The following CELSR1 variants were observed in gnomAD, a reference collection of about 807,000 sequenced individuals.
CELSR1 encodes the protein cadherin EGF LAG seven-pass G-type receptor 1, also known as adhesion G protein-coupled receptor C1.
A neutral mutation model predicts 249.1 loss-of-function variants in CELSR1; 110 were observed. That is an observed-to-expected ratio of 0.44 (90% CI 0.38 to 0.52). CELSR1 has a LOEUF of 0.52. CELSR1 is among the 20% of genes least tolerant of loss of function. The probability of loss-of-function intolerance (pLI) is 0.00; values close to 1 mark genes in which losing one functional copy is unlikely to be tolerated. For synonymous variants in CELSR1, 2,113 were observed against 1,900.0 expected, an observed-to-expected ratio of 1.11 and a Z score of -2.92; for missense variants, 4,109 against 4,296.4, an observed-to-expected ratio of 0.96 and a Z score of 1.22.
chr22:46,507,846 G>A (rs1054970313), intron 1 of CELSR1, among the ~76,000 whole-genome samples: 1 of 119,954 alleles, frequency 8.3e-6, no homozygotes, highest in Admixed American at 9.1e-5. Context: ...GAGTACAGTG[G>A]GCAGTCAGAG....
At chr22:46,439,139 G>GT (rs775448172) in intron 3 of CELSR1, 50 bp downstream of exon 3, 13 of 1,524,930 alleles carry the variant, frequency 8.5e-6, no homozygotes, top group African/African-American at 1.4e-5. Flanking sequence ...GGAGAAGCTC[G>GT]CCCCTTTCCT....
chr22:46,366,925 A>G, intron 29 of CELSR1, 68 bp downstream of exon 29: 1 of 1,539,056 alleles, frequency 6.5e-7, no homozygotes, highest in Non-Finnish European at 8.7e-7. Flanking sequence ...CTGAGGCTCG[A>G]TCACCCTCCC....
rs761062506 is a variant in CELSR1, at chr22:46,410,608, G to T, written c.4770-47C>A. ...CTGTGACGTCAGGGCGGGGAGAGGC[G>T]GCCACGGCGGGCTGGGCTCCGCAGT... On this transcript the variant is annotated intron_variant, in intron 6 of 34. Transcript: ENST00000674500. The surrounding 1 kb of genome is among the most constrained non-coding windows in gnomAD (Gnocchi z 6.8). The T allele has an allele frequency of 6.3e-7, 1 of 1,593,870 alleles. No individual in the cohort carries two copies. Among genetic ancestry groups the T allele is most frequent in the African/African-American group, 1.3e-5 (1 of 74,576 alleles).
At position 46,430,092 on chromosome 22, in the gene CELSR1, C is replaced by T. The variant is rs1385232575; in HGVS notation, c.4611+3301G>A. On this transcript the variant is annotated intron_variant, in intron 5 of 34. Coordinates refer to ENST00000674500, the MANE Select transcript of CELSR1 (RefSeq NM_001378328.1). The surrounding 1 kb of genome is among the most constrained non-coding windows in gnomAD (Gnocchi z 4.6). Reference sequence around the variant, plus strand: ...TGCACGTGGAGGCAGTGCAGGAGGCCACTCTGACAGGCAACACCCGGGAGA... The same window carrying T: ...TGCACGTGGAGGCAGTGCAGGAGGCTACTCTGACAGGCAACACCCGGGAGA... Among the ~76,000 whole-genome samples, 1 of 152,174 alleles carries T rather than the reference C, an allele frequency of 6.6e-6. No individual in the cohort carries two copies. The highest frequency in any genetic ancestry group is 2.4e-5 in the African/African-American group (1 of 41,436).
At chr22:46,378,813 GCCAT>G in intron 22 of CELSR1, 96 bp from the exon 23 acceptor site, 1 of 1,462,464 alleles carries the variant, frequency 6.8e-7, no homozygotes, top group Non-Finnish European at 9.2e-7. Flanking sequence ...GGGCTCCCAG[GCCAT>G]CCTGGCCAAA....
At chr22:46,455,715 G>A (rs1569176053) in intron 2 of CELSR1, among the ~76,000 whole-genome samples, 1 of 152,168 alleles carries the variant, frequency 6.6e-6, no homozygotes, top group Non-Finnish European at 1.5e-5. Context: ...GACCGTGCTG[G>A]GCTCCAGTGC....
At position 46,381,923 on chromosome 22, in the gene CELSR1, G is replaced by A. The variant is rs111751856; in HGVS notation, c.7011C>T (p.Ala2337=). The part of the protein sequence containing the change: ...RRHPDDAGQF[A]VALVIIYRTL... The stretch of plus-strand genomic sequence containing the variant: ...TGCGGTAAATGATGACCAGAGCGAC[G>A]GCGAACTGGCCAGCGTCATCAGGGT... The change falls in exon 21 of 35, where the codon GCC becomes GCT. Residue 2337 remains alanine, a synonymous_variant. Coordinates refer to ENST00000674500, the MANE Select transcript of CELSR1 (RefSeq NM_001378328.1). This position sits in a 1 kb window ranked among gnomAD's most constrained non-coding sequence, Gnocchi z 6.0. The A allele has an allele frequency of 2.2e-5, 35 of 1,571,816 alleles. No homozygotes were observed. The highest frequency in any genetic ancestry group is 1.4e-4 in the South Asian group (12 of 85,622).
At position 46,439,198 on chromosome 22, in the gene CELSR1, A is replaced by G. The variant is rs1040075134; in HGVS notation, c.4397T>C (p.Ile1466Thr). The G allele has an allele frequency of 6.2e-7, 1 of 1,612,784 alleles. No homozygotes were observed. The highest frequency in any genetic ancestry group is 1.3e-5 in the African/African-American group (1 of 74,866). The change falls in exon 3 of 35, where the codon ATC becomes ACC. Residue 1466 changes from isoleucine to threonine, a missense_variant. Coordinates refer to ENST00000674500, the MANE Select transcript of CELSR1 (RefSeq NM_001378328.1). ...CGGGACGCACACTCACGTGAGGGAG[A>G]TGGTGAAGTGGAAGCGCTGTCTCAG... ...RGLRQRFHFT[I>T]SLTFATQERN...
rs1569133316 is a variant in CELSR1 at position 46,396,796 on chromosome 22, C to G, written c.5702-50G>C. On this transcript the variant is annotated intron_variant, in intron 12 of 34. Transcript: ENST00000674500. The surrounding 1 kb of genome is among the most constrained non-coding windows in gnomAD (Gnocchi z 6.4). ...CTCCACCCACAATCCACGAGACCTTCCACGTTAAAATATCTGGAGCAACCT... is the reference window on the plus strand; with the variant it reads ...CTCCACCCACAATCCACGAGACCTTGCACGTTAAAATATCTGGAGCAACCT... 1 of 1,589,910 alleles carries G rather than the reference C, an allele frequency of 6.3e-7. No homozygotes were observed. The highest frequency in any genetic ancestry group is 8.6e-7 in the Non-Finnish European group (1 of 1,168,252).
intron 18 of CELSR1, among the ~76,000 whole-genome samples, chr22:46,387,028 G>A (rs1390637132): frequency 2.6e-5 from 4 of 152,134 alleles, no homozygotes; most frequent in Non-Finnish European, 5.9e-5. Context: ...AAAGTGCTGG[G>A]ATTACAGGCG....
rs938895551 is a variant in CELSR1, at chr22:46,454,349, G to A, written c.4183+9358C>T. On this transcript the variant is annotated intron_variant, in intron 2 of 34. Transcript: ENST00000674500. This position sits in a 1 kb window ranked among gnomAD's most constrained non-coding sequence, Gnocchi z 5.1. ...ATGTTACAGCGGCCACAGGAGACTC[G>A]TGCAGGGGTGAGCGAGCGTGCCCAG... 2.0e-5 allele frequency among the ~76,000 whole-genome samples: 3 copies of A among 152,192 alleles called. No individual in the cohort carries two copies. The highest frequency in any genetic ancestry group is 1.9e-4 in the East Asian group (1 of 5,194).
Position 46,535,719 on chromosome 22 carries a change from C to T in CELSR1, c.1452G>A (p.Thr484=), listed in dbSNP as rs754255878. The stretch of plus-strand genomic sequence containing the variant: ...CCGCGTTCTGGCCCTGGTCCCGGTC[C>T]GTGGCCTGCACTCGCAGCACAGCCG... ...LNTAVLRVQA[T]DRDQGQNAAI... The change falls in exon 1 of 35, where the codon ACG becomes ACA. Residue 484 remains threonine (T), a synonymous_variant. Transcript: ENST00000674500. The T allele has an allele frequency of 6.8e-6, 11 of 1,612,636 alleles. No individual in the cohort carries two copies. In the South Asian group the frequency reaches 7.7e-5, roughly 11 times the overall value.
intron 18 of CELSR1, among the ~76,000 whole-genome samples, chr22:46,387,749 G>A (rs1417299710): frequency 1.3e-5 from 2 of 152,176 alleles, no homozygotes; most frequent in Non-Finnish European, 2.9e-5. Context: ...GTCAGAGGCT[G>A]GGACTCTGGC....
In CELSR1 at chr22:46,454,790, CA is replaced by C. The variant is rs2079927834; in HGVS notation, c.4183+8916del. Reference sequence around the variant, plus strand: ...CCTCGCAGACACGCGACAGGCAGGCCAGTGAGAAGCGCCAACAGCCCTGGTT... The same window carrying C: ...CCTCGCAGACACGCGACAGGCAGGCCGTGAGAAGCGCCAACAGCCCTGGTT... On this transcript the variant is annotated intron_variant, in intron 2 of 34. Coordinates refer to ENST00000674500, the MANE Select transcript of CELSR1 (RefSeq NM_001378328.1). This position sits in a 1 kb window ranked among gnomAD's most constrained non-coding sequence, Gnocchi z 5.1. Among the ~76,000 whole-genome samples the C allele has an allele frequency of 6.6e-6, 1 of 152,242 alleles. No homozygotes were observed. Among genetic ancestry groups the C allele is most frequent in the Non-Finnish European group, 1.5e-5 (1 of 68,046 alleles).
In CELSR1 at chr22:46,483,380, CCTGA is replaced by C. The variant is rs1569195188; in HGVS notation, c.3545-19039_3545-19036del. Among the ~76,000 whole-genome samples the C allele has an allele frequency of 2.1e-5, 3 of 142,566 alleles. No individual in the cohort carries two copies. The East Asian group carries it at 6.6e-4, about 31-fold the overall frequency. The allele number at this position is 142,566 out of a possible 152,430, so 93.5% of individuals were successfully genotyped here. Reference sequence around the variant, plus strand: ...ACCCTCTTTATGGAAACATGCTATTCCTGACTTTTTTTTTTTTTTTTTTTTTTTT... The same window carrying C: ...ACCCTCTTTATGGAAACATGCTATTCCTTTTTTTTTTTTTTTTTTTTTTTT... On this transcript the variant is annotated intron_variant, in intron 1 of 34. Coordinates refer to ENST00000674500, the MANE Select transcript of CELSR1 (RefSeq NM_001378328.1).
Position 46,391,444 on chromosome 22 carries a change from G to C in CELSR1, c.6149-157C>G, listed in dbSNP as rs1204983219. On this transcript the variant is annotated intron_variant, in intron 15 of 34. Transcript: ENST00000674500. This position sits in a 1 kb window ranked among gnomAD's most constrained non-coding sequence, Gnocchi z 4.3. ...CCTGCCCCCATCCATGTCAGAGCTG[G>C]AGAGGGGTGACCAGGCTCTGACCCA... Among the ~76,000 whole-genome samples, 2 of 151,912 alleles carry C rather than the reference G, an allele frequency of 1.3e-5. No homozygotes were observed. Among genetic ancestry groups the C allele is most frequent in the Admixed American group, 6.6e-5 (1 of 15,256 alleles).
rs751828682 is a variant in CELSR1, at chr22:46,364,571, TC to T, written c.8719del (p.Asp2907ThrfsTer23). The T allele has an allele frequency of 6.2e-7, 1 of 1,612,518 alleles. No individual in the cohort carries two copies. On this transcript the variant is annotated frameshift_variant, in exon 33 of 35. Coordinates refer to ENST00000674500, the MANE Select transcript of CELSR1 (RefSeq NM_001378328.1). LOFTEE classifies it high-confidence loss of function. ...QGSHRGEYPP[D>X]QESGGAARLA... Reference sequence around the variant, plus strand: ...CCTGGCTGCGCCCCCGCTCTCCTGGTCCGGGGGGTACTCTCCACGGTGACTG... The same window carrying T: ...CCTGGCTGCGCCCCCGCTCTCCTGGTCGGGGGGTACTCTCCACGGTGACTG...
intron 2 of CELSR1, among the ~76,000 whole-genome samples, chr22:46,460,211 A>ACACACACCCACACC (rs773925316): frequency 1.3e-5 from 2 of 148,870 alleles, no homozygotes; most frequent in Non-Finnish European, 3.0e-5. Flanking sequence ...ACACACACAC[A>ACACACACCCACACC]CACACCCATT....
rs1263577635 is a variant in CELSR1 at position 46,534,713 on chromosome 22, C to G, written c.2458G>C (p.Glu820Gln). 6.2e-7 allele frequency: 1 copy of G among 1,613,322 alleles called. No individual in the cohort carries two copies. Among genetic ancestry groups the G allele is most frequent in the Non-Finnish European group, 8.5e-7 (1 of 1,180,044 alleles). Residue 820 changes from glutamate (E) to glutamine (Q), a missense_variant, in exon 1 of 35, where the codon GAG becomes CAG. Around this residue, in one of 7 missense-constraint regions of CELSR1, gnomAD observed 886 missense variants for 896.5 expected, o/e 0.99. Transcript: ENST00000674500. The surrounding 1 kb of genome is among the most constrained non-coding windows in gnomAD (Gnocchi z 9.7). ...ATCACGTAGGTGATGCGGGCATTCT[C>G]TCCTGTGTCCTCATCGTTGGCACTG... The part of the protein sequence containing the change: ...TLSANDEDTG[E>Q]NARITYVIQD...
Sources: gnomAD v4.1 joint callset for allele counts (sites outside exome capture counted in the v4.1 genomes callset) on GRCh38, gnomAD v4.1.1 for gene constraint, gnomAD v4.1.1 regional missense constraint, Gnocchi (gnomAD v3.1) non-coding constraint, MANE v1.5 for transcripts, NCBI Gene and HGNC (gene_info 2026-07-23, HGNC 2026-07-21) for gene names.